The following SLC39A9 variants were observed in gnomAD, a reference collection of about 807,000 sequenced individuals.
The protein encoded by SLC39A9 is solute carrier family 39 member 9.
In SLC39A9, 14 loss-of-function variants were observed where a neutral mutation model predicts 28.4. The observed-to-expected ratio is 0.49, with a 90% CI of 0.33 to 0.77. The LOEUF (loss-of-function observed/expected upper bound fraction) is 0.77, where lower values mean the gene tolerates loss of function less well. SLC39A9 is among the 30% of genes least tolerant of loss of function. SLC39A9 has a pLI of 0.02. For synonymous variants in SLC39A9, 119 were observed against 149.6 expected (o/e 0.80, Z 1.49); for missense variants, 283 against 381.1 (o/e 0.74, Z 2.14).
chr14:69,447,475 C>T (rs780245881), intron 3 of SLC39A9, among the ~76,000 whole-genome samples: 1 of 152,200 alleles, frequency 6.6e-6, no homozygotes, highest in Non-Finnish European at 1.5e-5. Context: ...TCAGGAGTTT[C>T]AGTGGTTACA....
chr14:69,438,310 C>T (rs907867170), intron 2 of SLC39A9, among the ~76,000 whole-genome samples: 19 of 152,138 alleles, frequency 1.2e-4, no homozygotes, highest in African/African-American at 3.1e-4. Flanking sequence ...CATGAGCCAC[C>T]GCGCCTGACC....
intron 1 of SLC39A9, among the ~76,000 whole-genome samples, chr14:69,402,325 C>G (rs1017079853): frequency 6.6e-6 from 1 of 151,990 alleles, no homozygotes; most frequent in Non-Finnish European, 1.5e-5. Flanking sequence ...ATGCGGCCCA[C>G]GAGCCATGAG....
At chr14:69,419,059 T>C (rs1460944746) in intron 1 of SLC39A9, among the ~76,000 whole-genome samples, 1 of 152,216 alleles carries the variant, frequency 6.6e-6, no homozygotes, top group Non-Finnish European at 1.5e-5. Flanking sequence ...TTTGAATGTG[T>C]TTGCTCTTGC....
Position 69,460,491 on chromosome 14 carries a change from AT to A in SLC39A9, c.*1899del. On this transcript the variant is annotated 3_prime_UTR_variant, in exon 7 of 7. Transcript: ENST00000336643. Reference sequence around the variant, plus strand: ...GTTTCATCTAGTCCTTCAAAACTATATGGTTGCCTAGATTCTCTCTGGAAAC... The same window carrying A: ...GTTTCATCTAGTCCTTCAAAACTATAGGTTGCCTAGATTCTCTCTGGAAAC... 1.0e-6 allele frequency: 1 copy of A among 985,426 alleles called. No individual in the cohort carries two copies. Among genetic ancestry groups the A allele is most frequent in the Non-Finnish European group, 1.2e-6 (1 of 829,926 alleles). 61.0% of individuals were successfully genotyped at this position (985,426 alleles called of 1,614,324 possible). A position where few individuals can be genotyped will look rare whatever the true frequency, so the allele number is the denominator to read the frequency against.
intron 1 of SLC39A9, among the ~76,000 whole-genome samples, chr14:69,409,775 A>G (rs1883165944): frequency 6.6e-6 from 1 of 152,182 alleles, no homozygotes; most frequent in Admixed American, 6.5e-5. Context: ...CATTGAGTGT[A>G]TTTCAGATTA....
intron 2 of SLC39A9, among the ~76,000 whole-genome samples, chr14:69,435,024 T>G (rs987277815): frequency 6.6e-6 from 1 of 152,236 alleles, no homozygotes; most frequent in Non-Finnish European, 1.5e-5. Context: ...GTTTATCTTG[T>G]GGAACGTTCC....
rs1048002916 is a variant in SLC39A9, at chr14:69,454,748, A to G, written c.473-64A>G. 10 of 1,389,514 alleles carry G rather than the reference A, an allele frequency of 7.2e-6. No individual in the cohort carries two copies. The African/African-American group carries it at 9.9e-5, about 14-fold the overall frequency. 86.1% of individuals were successfully genotyped at this position (1,389,514 alleles called of 1,614,324 possible). On this transcript the variant is annotated intron_variant, in intron 4 of 6. Transcript: ENST00000336643. ...CCTGACTGTAAAGCTCATACACTCA[A>G]CCACTACACTGTTATTGTTGTTGTT...
chr14:69,426,258 C>T, intron 2 of SLC39A9, among the ~76,000 whole-genome samples: 1 of 152,304 alleles, frequency 6.6e-6, no homozygotes, highest in African/African-American at 2.4e-5. Flanking sequence ...AGTCGCAAGC[C>T]TGGGCCTCTG....
At chr14:69,436,794 T>C (rs1884783018) in intron 2 of SLC39A9, among the ~76,000 whole-genome samples, 1 of 152,220 alleles carries the variant, frequency 6.6e-6, no homozygotes, top group African/African-American at 2.4e-5. Context: ...ACAAGGTTTC[T>C]CTATAGAGCT....
At chr14:69,434,932 CT>C (rs1884671396) in intron 2 of SLC39A9, among the ~76,000 whole-genome samples, 1 of 152,086 alleles carries the variant, frequency 6.6e-6, no homozygotes, top group African/African-American at 2.4e-5. Context: ...TCTAGTTTAA[CT>C]TTATTATGGT....
intron 2 of SLC39A9, among the ~76,000 whole-genome samples, chr14:69,438,827 G>A (rs1409322298): frequency 1.3e-5 from 2 of 152,202 alleles, no homozygotes; most frequent in Non-Finnish European, 2.9e-5. Context: ...ATTTTTATCA[G>A]TTCTGTAAGA....
chr14:69,435,617 T>C (rs1884703778), intron 2 of SLC39A9, among the ~76,000 whole-genome samples: 1 of 152,236 alleles, frequency 6.6e-6, no homozygotes, highest in South Asian at 2.1e-4. Context: ...TTGTACTTCT[T>C]ACCTCGGCCA....
chr14:69,448,237 C>CAAA (rs889854438), intron 3 of SLC39A9, among the ~76,000 whole-genome samples: 1 of 123,046 alleles, frequency 8.1e-6, no homozygotes. Flanking sequence ...AAAAAAAGCA[C>CAAA]AAAAAAAAAT....
At chr14:69,406,466 T>C (rs1336032819) in intron 1 of SLC39A9, among the ~76,000 whole-genome samples, 1 of 152,162 alleles carries the variant, frequency 6.6e-6, no homozygotes, top group Non-Finnish European at 1.5e-5. Flanking sequence ...ACCTCTCCTC[T>C]AATTAAAGAA....
intron 3 of SLC39A9, among the ~76,000 whole-genome samples, chr14:69,451,766 A>C (rs1885621271): frequency 6.6e-6 from 1 of 152,164 alleles, no homozygotes; most frequent in African/African-American, 2.4e-5. Flanking sequence ...CCCGGGCTGG[A>C]GTCCAGTGGC....
chr14:69,447,947 A>G lies in SLC39A9; in HGVS notation c.404-5294A>G, dbSNP rs114260337. 2.9e-3 allele frequency among the ~76,000 whole-genome samples: 426 copies of G among 147,554 alleles called. 3 individuals are homozygous for G. Among genetic ancestry groups the G allele is most frequent in the African/African-American group, 0.01 (415 of 40,062 alleles). On this transcript the variant is annotated intron_variant, in intron 3 of 6. Transcript: ENST00000336643. ...AAAAAAAAAGTGATGGGGCACAGTC[A>G]CTCAGGCTTGTAATCCCAGCACTTT...
intron 3 of SLC39A9, among the ~76,000 whole-genome samples, chr14:69,445,419 A>G (rs1462350161): frequency 6.6e-6 from 1 of 152,248 alleles, no homozygotes; most frequent in Non-Finnish European, 1.5e-5. Context: ...TTTTTAAATA[A>G]CATTTTCTTT....
chr14:69,400,089 T>G (rs1443186113), intron 1 of SLC39A9, among the ~76,000 whole-genome samples: 1 of 152,154 alleles, frequency 6.6e-6, no homozygotes, highest in African/African-American at 2.4e-5. Context: ...AAATGGAGAA[T>G]GTTATTTTTC....
chr14:69,418,658 G>T (rs1883708713), intron 1 of SLC39A9, among the ~76,000 whole-genome samples: 1 of 152,066 alleles, frequency 6.6e-6, no homozygotes, highest in Non-Finnish European at 1.5e-5. Flanking sequence ...TGGTTGGTAG[G>T]CTATTAATTA....
Sources: gnomAD v4.1 joint callset for allele counts (sites outside exome capture counted in the v4.1 genomes callset) on GRCh38, gnomAD v4.1.1 for gene constraint, MANE v1.5 for transcripts, NCBI Gene and HGNC (gene_info 2026-07-23, HGNC 2026-07-21) for gene names.